Variants in IL2RA observed in about 807,000 individuals in gnomAD.
The protein encoded by IL2RA is interleukin 2 receptor subunit alpha.
IL2RA carries 24 observed loss-of-function variants against 37.8 expected under a neutral mutation model. The ratio of observed to expected loss-of-function variants is 0.63; its 90% confidence interval spans 0.46 to 0.89. IL2RA has a LOEUF of 0.89. Among genes scored for constraint, IL2RA ranks in the 40% least tolerant of loss-of-function variants. The pLI, the probability that IL2RA is intolerant of heterozygous loss-of-function variation, is 0.00. For missense variants in IL2RA, 319 were observed against 348.6 expected (o/e 0.92, Z 0.68); for synonymous variants, 125 against 114.6 (o/e 1.09, Z -0.58).
chr10:6,061,256 G>A (rs533773120), intron 1 of IL2RA, among the ~76,000 whole-genome samples: 41 of 152,110 alleles, frequency 2.7e-4, no homozygotes, highest in African/African-American at 5.3e-4. Flanking sequence ...GTGTGGTGGC[G>A]TATGCCTGTA....
At chr10:6,052,247 A>T (rs1049326926) in intron 1 of IL2RA, among the ~76,000 whole-genome samples, 3 of 152,162 alleles carry the variant, frequency 2.0e-5, no homozygotes, top group African/African-American at 7.2e-5. Flanking sequence ...CACATCTAAC[A>T]TGATGTGAAT....
Position 6,062,282 on chromosome 10 carries a change from G to T in IL2RA, c.-131C>A. 1.3e-6 allele frequency: 1 copy of T among 744,408 alleles called. No individual in the cohort carries two copies. Among genetic ancestry groups the T allele is most frequent in the South Asian group, 1.6e-5 (1 of 64,440 alleles). The allele number at this position is 744,408 out of a possible 1,614,324, so 46.1% of individuals were successfully genotyped here. A position where few individuals can be genotyped will look rare whatever the true frequency, so the allele number is the denominator to read the frequency against. On this transcript the variant is annotated 5_prime_UTR_variant, in exon 1 of 8. Coordinates refer to ENST00000379959, the MANE Select transcript of IL2RA (RefSeq NM_000417.3). ...ATGGGAAGATCGGTCCGCCTGGGCTGTCACCCTTGTGGGTCCATCCAGTCT... is the reference window on the plus strand; with the variant it reads ...ATGGGAAGATCGGTCCGCCTGGGCTTTCACCCTTGTGGGTCCATCCAGTCT...
In IL2RA at chr10:6,015,344, C is replaced by T. The variant is rs540604144; in HGVS notation, c.795-2448G>A. 7.2e-5 allele frequency among the ~76,000 whole-genome samples: 11 copies of T among 152,202 alleles called. No individual in the cohort carries two copies. Among genetic ancestry groups the T allele is most frequent in the Admixed American group, 6.5e-4 (10 of 15,284 alleles). ...CTGACCTCAAGTAATCCGCCTGCCT[C>T]GGCCTCCCAAAGTGCTGGGATTACA... On this transcript the variant is annotated intron_variant, in intron 7 of 7. Coordinates refer to ENST00000379959, the MANE Select transcript of IL2RA (RefSeq NM_000417.3). This position sits in a 1 kb window ranked among gnomAD's most constrained non-coding sequence, Gnocchi z 4.9.
chr10:6,039,253 T>C (rs1839734633), intron 1 of IL2RA: 1 of 152,252 alleles, frequency 6.6e-6, no homozygotes, highest in Non-Finnish European at 1.5e-5. Flanking sequence ...AAAAATGCTA[T>C]ATGTGTATGC....
chr10:6,062,058 G>A (rs1338106297), intron 1 of IL2RA, 30 bp downstream of exon 1: 4 of 1,599,798 alleles, frequency 2.5e-6, no homozygotes, highest in Non-Finnish European at 3.4e-6. Flanking sequence ...CAGCCTTCCC[G>A]GAATTCCGGG....
chr10:6,050,810 G>T (rs982584637), intron 1 of IL2RA, among the ~76,000 whole-genome samples: 2 of 152,228 alleles, frequency 1.3e-5, no homozygotes, highest in Admixed American at 6.5e-5. Flanking sequence ...AGGAGGATGG[G>T]TGCCCTGGCT....
rs1384276550 is a variant in IL2RA, at chr10:6,057,683, T to C, written c.64+4405A>G. On this transcript the variant is annotated intron_variant, in intron 1 of 7. Coordinates refer to ENST00000379959, the MANE Select transcript of IL2RA (RefSeq NM_000417.3). This position sits in a 1 kb window ranked among gnomAD's most constrained non-coding sequence, Gnocchi z 4.8. Reference sequence around the variant, plus strand: ...TGTGACCTCAAGCAACATGCCTCATTTCCTGAGGGAATTCTCTCTTTTTCT... The same window carrying C: ...TGTGACCTCAAGCAACATGCCTCATCTCCTGAGGGAATTCTCTCTTTTTCT... 1.3e-5 allele frequency among the ~76,000 whole-genome samples: 2 copies of C among 152,204 alleles called. No homozygotes were observed. The highest frequency in any genetic ancestry group is 3.8e-4 in the East Asian group (2 of 5,204).
In IL2RA at chr10:6,031,450, A is replaced by G. The variant is rs1176329342; in HGVS notation, c.65-5425T>C. Among the ~76,000 whole-genome samples, 8 of 69,326 alleles carry G rather than the reference A, an allele frequency of 1.2e-4. No individual in the cohort carries two copies. The East Asian group carries it at 5.9e-3, about 51-fold the overall frequency. 45.5% of individuals were successfully genotyped at this position (69,326 alleles called of 152,430 possible). A position where few individuals can be genotyped will look rare whatever the true frequency, so the allele number is the denominator to read the frequency against. On this transcript the variant is annotated intron_variant, in intron 1 of 7. Coordinates refer to ENST00000379959, the MANE Select transcript of IL2RA (RefSeq NM_000417.3). Reference sequence around the variant, plus strand: ...GCAAGTTAGCAATTTCAGTATATATATATACATATATATATATATATATAT... The same window carrying G: ...GCAAGTTAGCAATTTCAGTATATATGTATACATATATATATATATATATAT...
At chr10:6,013,240 A>G (rs934987109) in intron 7 of IL2RA, among the ~76,000 whole-genome samples, 5 of 152,264 alleles carry the variant, frequency 3.3e-5, no homozygotes, top group African/African-American at 7.2e-5. Context: ...GCACTGTGCT[A>G]TAGAACTTTC....
rs7089855 is a variant in IL2RA at position 6,049,177 on chromosome 10, A to G, written c.64+12911T>C. Among the ~76,000 whole-genome samples, 1,211 of 152,360 alleles carry G rather than the reference A, an allele frequency of 7.9e-3. 7 individuals are homozygous for G. Among genetic ancestry groups the G allele is most frequent in the Non-Finnish European group, 0.013 (904 of 68,034 alleles). ...GTCTAAGACTGAAGGCCTGAGGAGC[A>G]GAGGGGCCCTGCTGTAAGTCCCAGA... is the stretch of plus-strand genomic sequence containing the variant. On this transcript the variant is annotated intron_variant, in intron 1 of 7. Coordinates refer to ENST00000379959, the MANE Select transcript of IL2RA (RefSeq NM_000417.3).
Position 6,023,320 on chromosome 10 carries a change from G to GT in IL2RA, c.367+923dup, listed in dbSNP as rs996043414. The stretch of plus-strand genomic sequence containing the variant: ...CAATTCTTCCTAGCAGGTTCTGTGG[G>GT]TTTTTTTTCTTTTTTGTTTTGTTTT... On this transcript the variant is annotated intron_variant, in intron 3 of 7. Coordinates refer to ENST00000379959, the MANE Select transcript of IL2RA (RefSeq NM_000417.3). 5.3e-5 allele frequency among the ~76,000 whole-genome samples: 8 copies of GT among 151,874 alleles called. No homozygotes were observed. In the East Asian group the frequency reaches 5.8e-4, roughly 11 times the overall value.
At position 6,025,991 on chromosome 10, in the gene IL2RA, G is replaced by A. The variant is rs1404900373; in HGVS notation, c.99C>T (p.His33=). 53 of 1,613,638 alleles carry A rather than the reference G, an allele frequency of 3.3e-5. No individual in the cohort carries two copies. The highest frequency in any genetic ancestry group is 3.8e-5 in the Non-Finnish European group (45 of 1,180,052). The change falls in exon 2 of 8, where the codon CAC becomes CAT. Residue 33 remains histidine (H), a synonymous_variant. Coordinates refer to ENST00000379959, the MANE Select transcript of IL2RA (RefSeq NM_000417.3). This position sits in a 1 kb window ranked among gnomAD's most constrained non-coding sequence, Gnocchi z 4.4. ...TGTAGGCCATGGCTTTGAATGTGGC[G>A]TGTGGGATCTCTGGCGGGTCATCGT... ...LCDDDPPEIP[H]ATFKAMAYKE... is the part of the protein sequence containing the mutation.
intron 2 of IL2RA, 97 bp from the exon 3 acceptor site, chr10:6,024,451 G>T: frequency 2.2e-6 from 2 of 907,286 alleles, no homozygotes. Flanking sequence ...CACCTGTCCA[G>T]GGCCCACGAT....
Position 6,036,998 on chromosome 10 carries a change from C to T in IL2RA, c.65-10973G>A, listed in dbSNP as rs755486335. On this transcript the variant is annotated intron_variant, in intron 1 of 7. Transcript: ENST00000379959. The surrounding 1 kb of genome is among the most constrained non-coding windows in gnomAD (Gnocchi z 6.1). ...ATGCTGGGGCTGCAGAGCCCCAGGC[C>T]GCACTTGGAGTATGAGAGTTTCCAG... 6.6e-6 allele frequency among the ~76,000 whole-genome samples: 1 copy of T among 152,140 alleles called. No individual in the cohort carries two copies. The highest frequency in any genetic ancestry group is 1.5e-5 in the Non-Finnish European group (1 of 68,022).
intron 1 of IL2RA, among the ~76,000 whole-genome samples, chr10:6,032,287 G>A (rs1453479730): frequency 6.6e-6 from 1 of 152,096 alleles, no homozygotes; most frequent in African/African-American, 2.4e-5. Flanking sequence ...GAAAATTAAG[G>A]CAAATGACTT....
chr10:6,023,401 T>G (rs1024236364), intron 3 of IL2RA, among the ~76,000 whole-genome samples: 10 of 152,174 alleles, frequency 6.6e-5, no homozygotes, highest in African/African-American at 2.4e-4. Context: ...AGTGATGCAA[T>G]CTCTGCTCAC....
rs1564549478 is a variant in IL2RA at position 6,042,147 on chromosome 10, G to GAAAAAAAAAAAAAAAAA, written c.65-16123_65-16122insTTTTTTTTTTTTTTTTT. ...GCACCTGATGCTAGCAATGTATTAA[G>GAAAAAAAAAAAAAAAAA]CAAAAAAAAAAAAAAAAAAAATTCT... On this transcript the variant is annotated intron_variant, in intron 1 of 7. Transcript: ENST00000379959. 3.3e-3 allele frequency among the ~76,000 whole-genome samples: 4 copies of GAAAAAAAAAAAAAAAAA among 1,206 alleles called. 1 individual carries two copies. Among genetic ancestry groups the GAAAAAAAAAAAAAAAAA allele is most frequent in the African/African-American group, 6.6e-3 (3 of 458 alleles). The allele number at this position is 1,206 out of a possible 152,430, so 0.8% of individuals were successfully genotyped here.
Position 6,012,626 on chromosome 10 carries a change from T to A in IL2RA, c.*246A>T. On this transcript the variant is annotated 3_prime_UTR_variant, in exon 8 of 8. Coordinates refer to ENST00000379959, the MANE Select transcript of IL2RA (RefSeq NM_000417.3). This position sits in a 1 kb window ranked among gnomAD's most constrained non-coding sequence, Gnocchi z 4.8. Reference sequence around the variant, plus strand: ...AGAGTTCTAGTGGTTTTGCCCTTCCTCTTCAACGGCGAAATTGCTATTTAG... The same window carrying A: ...AGAGTTCTAGTGGTTTTGCCCTTCCACTTCAACGGCGAAATTGCTATTTAG... 1.7e-6 allele frequency: 1 copy of A among 595,266 alleles called. No individual in the cohort carries two copies. The highest frequency in any genetic ancestry group is 4.5e-4 in the Middle Eastern group (1 of 2,218). 36.9% of individuals were successfully genotyped at this position (595,266 alleles called of 1,614,324 possible). A position where few individuals can be genotyped will look rare whatever the true frequency, so the allele number is the denominator to read the frequency against.
At chr10:6,045,827 C>T (rs1007548476) in intron 1 of IL2RA, among the ~76,000 whole-genome samples, 1 of 152,030 alleles carries the variant, frequency 6.6e-6, no homozygotes, top group Non-Finnish European at 1.5e-5. Context: ...TGTAAAGAAA[C>T]ACAGAATAAG....
Sources: allele counts gnomAD v4.1 joint callset (sites outside exome capture counted in the v4.1 genomes callset), GRCh38; gene constraint gnomAD v4.1.1; non-coding constraint Gnocchi (gnomAD v3.1); transcripts MANE v1.5; gene names NCBI Gene and HGNC (gene_info 2026-07-23, HGNC 2026-07-21).